The following LRMDA variants were observed in gnomAD, a reference collection of about 807,000 sequenced individuals.
LRMDA encodes leucine-rich melanocyte differentiation-associated protein.
A neutral mutation model predicts 29.8 loss-of-function variants in LRMDA; 18 were observed. That is an observed-to-expected ratio of 0.60 (90% CI 0.42 to 0.90). The LOEUF is 0.90. LRMDA is among the 40% of genes least tolerant of loss of function. The pLI is 0.00. For missense variants in LRMDA, 273 were observed against 273.9 expected, an observed-to-expected ratio of 1.00 and a Z score of 0.02; for synonymous variants, 125 against 109.4, an observed-to-expected ratio of 1.14 and a Z score of -0.89.
intron 2 of LRMDA, among the ~76,000 whole-genome samples, chr10:75,900,606 C>T (rs1339638868): frequency 6.6e-6 from 1 of 152,044 alleles, no homozygotes; most frequent in African/African-American, 2.4e-5. Flanking sequence ...AGTGCATTGC[C>T]CCCCAGCCCC....
At chr10:75,514,043 T>C (rs1306970426) in intron 2 of LRMDA, among the ~76,000 whole-genome samples, 2 of 152,216 alleles carry the variant, frequency 1.3e-5, no homozygotes, top group Admixed American at 6.5e-5. Context: ...TTAACTGTTG[T>C]TATAATCAAA....
intron 2 of LRMDA, among the ~76,000 whole-genome samples, chr10:76,017,540 G>C (rs1011549790): frequency 1.3e-5 from 2 of 152,226 alleles, no homozygotes; most frequent in African/African-American, 4.8e-5. Context: ...CTCATGTTCT[G>C]TCCTTGGTCC....
intron 2 of LRMDA, among the ~76,000 whole-genome samples, chr10:75,500,852 G>A (rs938005955): frequency 6.6e-6 from 1 of 152,106 alleles, no homozygotes; most frequent in Admixed American, 6.5e-5. Context: ...CAGGTCCCTC[G>A]CTCGATTACA....
chr10:76,369,335 G>C (rs1841426955), intron 6 of LRMDA, among the ~76,000 whole-genome samples: 1 of 152,204 alleles, frequency 6.6e-6, no homozygotes, highest in South Asian at 2.1e-4. Context: ...CTCAGCATTT[G>C]TTTGAAAACA....
At chr10:76,101,513 G>A (rs1296215757) in intron 5 of LRMDA, among the ~76,000 whole-genome samples, 1 of 152,200 alleles carries the variant, frequency 6.6e-6, no homozygotes, top group Non-Finnish European at 1.5e-5. Context: ...AAGGCAGGCG[G>A]ATCAGTTGAG....
At chr10:75,863,895 A>G (rs941939959) in intron 2 of LRMDA, among the ~76,000 whole-genome samples, 9 of 152,204 alleles carry the variant, frequency 5.9e-5, no homozygotes, top group Non-Finnish European at 1.3e-4. Context: ...TTTCCCATAT[A>G]TTATTTTTTA....
intron 6 of LRMDA, among the ~76,000 whole-genome samples, chr10:76,340,439 C>G (rs1841025343): frequency 7.2e-6 from 1 of 138,046 alleles, no homozygotes; most frequent in African/African-American, 2.7e-5. Flanking sequence ...TCTCTGGAGC[C>G]CAGGAGGCGG....
At chr10:76,552,327 A>G (rs1186533520) in intron 6 of LRMDA, among the ~76,000 whole-genome samples, 4 of 152,194 alleles carry the variant, frequency 2.6e-5, no homozygotes, top group Non-Finnish European at 5.9e-5. Flanking sequence ...AGTGGTCAGC[A>G]CTTCTAGCTG....
At chr10:75,930,280 A>T (rs1238129838) in intron 2 of LRMDA, among the ~76,000 whole-genome samples, 2 of 152,122 alleles carry the variant, frequency 1.3e-5, no homozygotes, top group Admixed American at 1.3e-4. Flanking sequence ...GAATGGAGGA[A>T]GGGCAAGCTG....
intron 6 of LRMDA, among the ~76,000 whole-genome samples, chr10:76,429,344 A>G (rs957877882): frequency 6.6e-6 from 1 of 152,162 alleles, no homozygotes; most frequent in Non-Finnish European, 1.5e-5. Context: ...CATGCAGATA[A>G]TATGATAATA....
intron 2 of LRMDA, among the ~76,000 whole-genome samples, chr10:75,988,347 C>T (rs1438151374): frequency 2.6e-5 from 4 of 152,040 alleles, no homozygotes; most frequent in Non-Finnish European, 5.9e-5. Flanking sequence ...CCTTGAAGGC[C>T]GTGAGTCCGA....
intron 2 of LRMDA, among the ~76,000 whole-genome samples, chr10:75,942,384 T>C (rs999239424): frequency 5.3e-5 from 8 of 152,180 alleles, no homozygotes. Context: ...AAAGAGGAAA[T>C]TATTATCATA....
At chr10:75,614,138 C>CTCCCTCTCTCGTTCTTTCTCACTCT (rs1841069597) in intron 2 of LRMDA, among the ~76,000 whole-genome samples, 1 of 152,176 alleles carries the variant, frequency 6.6e-6, no homozygotes, top group Non-Finnish European at 1.5e-5. Context: ...CTTTGTCTCT[C>CTCCCTCTCTCGTTCTTTCTCACTCT]TCCCTCTCTC....
intron 4 of LRMDA, among the ~76,000 whole-genome samples, chr10:76,047,536 C>T (rs762958661): frequency 2.0e-5 from 3 of 152,066 alleles, no homozygotes; most frequent in Non-Finnish European, 4.4e-5. Context: ...TGTGAAGTGC[C>T]AGATATTAAG....
chr10:76,298,693 A>C (rs901797819), intron 5 of LRMDA, among the ~76,000 whole-genome samples: 2 of 152,198 alleles, frequency 1.3e-5, no homozygotes, highest in African/African-American at 4.8e-5. Flanking sequence ...CATGTAGTTA[A>C]AGGAACAACA....
chr10:76,013,182 AG>A (rs1359890314), intron 2 of LRMDA, among the ~76,000 whole-genome samples: 1 of 152,032 alleles, frequency 6.6e-6, no homozygotes, highest in East Asian at 1.9e-4. Context: ...AAAAGGAGTG[AG>A]GGGGGTGGTA....
At chr10:76,136,290 T>C (rs17366677) in intron 5 of LRMDA, among the ~76,000 whole-genome samples, 22,894 of 152,218 alleles carry the variant, frequency 0.15, 2,051 homozygotes, top group Admixed American at 0.23. Context: ...AATCTTCTTT[T>C]TGTGAATGGC....
chr10:75,708,933 G>A (rs992497648), intron 2 of LRMDA, among the ~76,000 whole-genome samples: 5 of 152,130 alleles, frequency 3.3e-5, no homozygotes, highest in Admixed American at 1.3e-4. Flanking sequence ...TTCCTAACTG[G>A]TAAAAGAACT....
intron 2 of LRMDA, among the ~76,000 whole-genome samples, chr10:75,973,497 C>T (rs899132892): frequency 1.3e-5 from 2 of 151,502 alleles, no homozygotes; most frequent in African/African-American, 2.4e-5. Flanking sequence ...CCACTCACTG[C>T]AACCTCCACC....
Sources: gnomAD v4.1 joint callset for allele counts (sites outside exome capture counted in the v4.1 genomes callset) on GRCh38, gnomAD v4.1.1 for gene constraint, MANE v1.5 for transcripts, NCBI Gene and HGNC (gene_info 2026-07-23, HGNC 2026-07-21) for gene names.